Variants in ZBTB20 observed in about 807,000 individuals in gnomAD.
ZBTB20 encodes the protein zinc finger and BTB domain containing 20.
A neutral mutation model predicts 56.9 loss-of-function variants in ZBTB20; 9 were observed. The observed-to-expected ratio is 0.16, with a 90% CI of 0.10 to 0.28. ZBTB20 has a LOEUF of 0.28. Ranked by LOEUF, ZBTB20 falls within the 10% of genes least tolerant of loss-of-function variation. The pLI is 1.00. For synonymous variants in ZBTB20, 417 were observed against 420.7 expected (o/e 0.99, Z 0.11); for missense variants, 655 against 1,003.0 (o/e 0.65, Z 4.69).
At chr3:114,650,612 G>A (rs2060079424) in intron 6 of ZBTB20, among the ~76,000 whole-genome samples, 2 of 151,844 alleles carry the variant, frequency 1.3e-5, no homozygotes, top group Non-Finnish European at 2.9e-5. Context: ...CCTATTACCA[G>A]TAGGCTTTTT....
intron 1 of ZBTB20, among the ~76,000 whole-genome samples, chr3:115,072,889 T>A (rs934680480): frequency 2.0e-5 from 3 of 152,202 alleles, no homozygotes; most frequent in Non-Finnish European, 4.4e-5. Flanking sequence ...CGTGACTTTG[T>A]GGAAGTTATT....
Position 115,130,833 on chromosome 3 carries a change from C to T in ZBTB20, c.-703+16386G>A, listed in dbSNP as rs191513915. On this transcript the variant is annotated intron_variant, in intron 1 of 11. Transcript: ENST00000675478. ...CTGGAGTGCAATGGCACCATCTCGG[C>T]TCACCACAACCTGCACCTCCCAGGT... 4.5e-3 allele frequency among the ~76,000 whole-genome samples: 687 copies of T among 152,278 alleles called. 4 individuals are homozygous for T. The highest frequency in any genetic ancestry group is 0.01 in the Middle Eastern group (3 of 294).
At chr3:114,421,209 T>C (rs1356034673) in intron 7 of ZBTB20, among the ~76,000 whole-genome samples, 2 of 152,114 alleles carry the variant, frequency 1.3e-5, no homozygotes, top group African/African-American at 2.4e-5. Flanking sequence ...GTTCACCAAA[T>C]GGTAAAGTTC....
chr3:114,552,428 G>GT (rs1264063719), intron 6 of ZBTB20, among the ~76,000 whole-genome samples: 7,273 of 146,838 alleles, frequency 0.05, 558 homozygotes, highest in African/African-American at 0.17. Context: ...GACTCTTCCT[G>GT]TTTTTTTTTT....
chr3:115,007,490 G>A (rs1297879284), intron 2 of ZBTB20, among the ~76,000 whole-genome samples: 8 of 151,664 alleles, frequency 5.3e-5, no homozygotes, highest in Non-Finnish European at 1.2e-4. Context: ...CAATCGCTCT[G>A]TGTTCTATTA....
chr3:114,400,268 T>G (rs975002087), intron 7 of ZBTB20, among the ~76,000 whole-genome samples: 2 of 152,152 alleles, frequency 1.3e-5, no homozygotes, highest in Admixed American at 1.3e-4. Context: ...ATGAATGGCA[T>G]AATACTTGTA....
intron 3 of ZBTB20, among the ~76,000 whole-genome samples, chr3:114,914,769 T>A (rs1019294198): frequency 1.3e-5 from 2 of 151,850 alleles, no homozygotes; most frequent in African/African-American, 4.8e-5. Context: ...GTTTTTTTTT[T>A]ATCATGAGGG....
chr3:114,702,568 A>G (rs1349783422), intron 5 of ZBTB20, among the ~76,000 whole-genome samples: 3 of 152,136 alleles, frequency 2.0e-5, no homozygotes, highest in Admixed American at 6.5e-5. Context: ...GAAACAAAGA[A>G]CAAGAAAAGA....
At chr3:114,801,589 C>G (rs2071727055) in intron 4 of ZBTB20, among the ~76,000 whole-genome samples, 1 of 151,556 alleles carries the variant, frequency 6.6e-6, no homozygotes, top group East Asian at 1.9e-4. Flanking sequence ...ATCTATGGGT[C>G]TGAATACACA....
At chr3:114,399,945 G>A (rs2086671450) in intron 7 of ZBTB20, among the ~76,000 whole-genome samples, 1 of 152,134 alleles carries the variant, frequency 6.6e-6, no homozygotes, top group Non-Finnish European at 1.5e-5. Flanking sequence ...TCCCTATCAT[G>A]AGTTGCATAG....
chr3:115,101,175 A>G (rs957056916), intron 1 of ZBTB20, among the ~76,000 whole-genome samples: 5 of 152,252 alleles, frequency 3.3e-5, no homozygotes, highest in African/African-American at 7.2e-5. Context: ...AATAAATCCC[A>G]TAAGAAGCTA....
intron 7 of ZBTB20, among the ~76,000 whole-genome samples, chr3:114,434,558 T>TGTTTGTGTGTGTGTGTGTG (rs1576744101): frequency 2.1e-5 from 3 of 145,944 alleles, no homozygotes; most frequent in Non-Finnish European, 4.5e-5. Context: ...GTGTGTGTGT[T>TGTTTGTGTGTGTGTGTGTG]TGTGTGTGTG....
chr3:114,601,651 T>C (rs1397757936), intron 6 of ZBTB20, among the ~76,000 whole-genome samples: 2 of 152,046 alleles, frequency 1.3e-5, no homozygotes, highest in Non-Finnish European at 1.5e-5. Flanking sequence ...AGATGAGTTA[T>C]GGCCTAAAGA....
chr3:114,537,595 A>G (rs2048624548), intron 6 of ZBTB20, among the ~76,000 whole-genome samples: 1 of 152,202 alleles, frequency 6.6e-6, no homozygotes, highest in African/African-American at 2.4e-5. Context: ...TCAAGGATCT[A>G]GAACCAAAAA....
At chr3:114,810,944 G>A (rs952524183) in intron 4 of ZBTB20, among the ~76,000 whole-genome samples, 7 of 152,132 alleles carry the variant, frequency 4.6e-5, no homozygotes, top group Non-Finnish European at 8.8e-5. Flanking sequence ...CTAGGGAAGT[G>A]TATGGGATAT....
At chr3:114,956,002 T>G (rs1240224622) in intron 3 of ZBTB20, among the ~76,000 whole-genome samples, 1 of 152,178 alleles carries the variant, frequency 6.6e-6, no homozygotes, top group Non-Finnish European at 1.5e-5. Context: ...TAGATGGATC[T>G]GAAACACCCA....
chr3:114,475,384 C>T (rs750537752), intron 7 of ZBTB20, among the ~76,000 whole-genome samples: 7 of 152,140 alleles, frequency 4.6e-5, no homozygotes, highest in Non-Finnish European at 8.8e-5. Context: ...AGACACATGT[C>T]TCAGCTCCGT....
rs1206790710 is a variant in ZBTB20, at chr3:114,346,114, G to C, written c.1804+4160C>G. On this transcript the variant is annotated intron_variant, in intron 11 of 11. Transcript: ENST00000675478. The stretch of plus-strand genomic sequence containing the variant: ...TTAGCAGTGGATAAAGAGTGGTTAG[G>C]TGAGCAATTTTCTTTTACTGTTATA... Among the ~76,000 whole-genome samples the C allele has an allele frequency of 6.6e-5, 10 of 152,246 alleles. No homozygotes were observed. In the East Asian group the frequency reaches 1.9e-3, roughly 29 times the overall value.
intron 3 of ZBTB20, among the ~76,000 whole-genome samples, chr3:114,902,589 T>G (rs985282891): frequency 6.6e-6 from 1 of 152,198 alleles, no homozygotes; most frequent in Non-Finnish European, 1.5e-5. Context: ...TAGTATCACT[T>G]ATTAATGCAC....
Sources: gnomAD v4.1 joint callset for allele counts (sites outside exome capture counted in the v4.1 genomes callset) on GRCh38, gnomAD v4.1.1 for gene constraint, MANE v1.5 for transcripts, NCBI Gene and HGNC (gene_info 2026-07-23, HGNC 2026-07-21) for gene names.